CSMD1: variants seen among roughly 807,000 people sequenced by gnomAD.
The protein encoded by CSMD1 is CUB and sushi domain-containing protein 1.
In CSMD1, 213 loss-of-function variants were observed where a neutral mutation model predicts 417.5. The ratio of observed to expected loss-of-function variants is 0.51; its 90% CI spans 0.46 to 0.57. The LOEUF is 0.57. CSMD1 is among the 20% of genes least tolerant of loss of function. The pLI is 0.00. For missense variants in CSMD1, 6,923 were observed against 4,529.7 expected, an observed-to-expected ratio of 1.53 and a Z score of -15.17; for synonymous variants, 2,862 against 1,736.8, an observed-to-expected ratio of 1.65 and a Z score of -16.11.
chr8:4,178,843 T>C lies in CSMD1; in HGVS notation c.416-146744A>G, dbSNP rs957681705. Among the ~76,000 whole-genome samples, 10 of 152,138 alleles carry C rather than the reference T, an allele frequency of 6.6e-5. 1 individual carries two copies. The highest frequency in any genetic ancestry group is 5.2e-4 in the Admixed American group (8 of 15,264). ...CCATTCACAATTCCTTCAAAGAGAA[T>C]AAAATACTTAGAAATCCAACTTACA... is the stretch of plus-strand genomic sequence containing the variant. On this transcript the variant is annotated intron_variant, in intron 3 of 69. Coordinates refer to ENST00000635120, the MANE Select transcript of CSMD1 (RefSeq NM_033225.6).
intron 37 of CSMD1, among the ~76,000 whole-genome samples, chr8:3,174,567 A>G (rs1016191967): frequency 2.6e-5 from 4 of 152,238 alleles, no homozygotes; most frequent in South Asian, 2.1e-4. Context: ...AAAATTTTTA[A>G]AAGACTATAT....
At chr8:4,833,113 T>C (rs1383464063) in intron 1 of CSMD1, among the ~76,000 whole-genome samples, 1 of 152,188 alleles carries the variant, frequency 6.6e-6, no homozygotes, top group Non-Finnish European at 1.5e-5. Flanking sequence ...GAGTTTTCAT[T>C]TATTCGTCAT....
Position 3,795,142 on chromosome 8 carries a change from TCTATCATGTACAGCTATAGATAC to T in CSMD1, c.819-41123_819-41101del, listed in dbSNP as rs1163624423. ...TATCTATCATGTACAGCTATAGATA[TCTATCATGTACAGCTATAGATAC>T]CTATCATGTACAGCTATAGATACCT... On this transcript the variant is annotated intron_variant, in intron 5 of 69. Transcript: ENST00000635120. Among the ~76,000 whole-genome samples the T allele has an allele frequency of 5.0e-3, 337 of 67,508 alleles. 79 individuals are homozygous for T. The highest frequency in any genetic ancestry group is 6.8e-3 in the Non-Finnish European group (229 of 33,530). The allele number at this position is 67,508 out of a possible 152,430, so 44.3% of individuals were successfully genotyped here. A position where few individuals can be genotyped will look rare whatever the true frequency, so the allele number is the denominator to read the frequency against.
intron 5 of CSMD1, among the ~76,000 whole-genome samples, chr8:3,961,743 A>G (rs1401524359): frequency 6.6e-6 from 1 of 152,230 alleles, no homozygotes; most frequent in African/African-American, 2.4e-5. Flanking sequence ...TATGTAGTAA[A>G]GCCCGGTCTT....
At chr8:4,491,807 G>C (rs538297155) in intron 2 of CSMD1, among the ~76,000 whole-genome samples, 5 of 152,270 alleles carry the variant, frequency 3.3e-5, no homozygotes, top group Admixed American at 2.6e-4. Flanking sequence ...TGGCAGACAA[G>C]TGGCAGTTTC....
intron 2 of CSMD1, among the ~76,000 whole-genome samples, chr8:4,498,189 C>G (rs1029168375): frequency 6.6e-6 from 1 of 152,092 alleles, no homozygotes; most frequent in African/African-American, 2.4e-5. Context: ...TAATGCTAAC[C>G]CAATGCTTAG....
At chr8:3,089,378 A>G (rs1435359858) in intron 48 of CSMD1, among the ~76,000 whole-genome samples, 3 of 152,260 alleles carry the variant, frequency 2.0e-5, no homozygotes, top group African/African-American at 7.2e-5. Context: ...TTGTTAATTC[A>G]GCCTGCGCTT....
intron 8 of CSMD1, among the ~76,000 whole-genome samples, chr8:3,602,023 A>G (rs1320814579): frequency 1.3e-5 from 2 of 152,094 alleles, no homozygotes; most frequent in Non-Finnish European, 2.9e-5. Flanking sequence ...CTTTATGGGT[A>G]TGGAGTTTCA....
intron 1 of CSMD1, among the ~76,000 whole-genome samples, chr8:4,756,059 C>A (rs1811649166): frequency 1.3e-5 from 2 of 152,248 alleles, no homozygotes; most frequent in Non-Finnish European, 1.5e-5. Context: ...AATCTCCAAC[C>A]TTTTTAAAAC....
At position 4,500,301 on chromosome 8, in the gene CSMD1, T is replaced by C. The variant is rs562038651; in HGVS notation, c.303-80236A>G. 9.2e-5 allele frequency among the ~76,000 whole-genome samples: 14 copies of C among 152,320 alleles called. No homozygotes were observed. The South Asian group carries it at 1.9e-3, about 20-fold the overall frequency. On this transcript the variant is annotated intron_variant, in intron 2 of 69. Transcript: ENST00000635120. ...TGTCAATTATGCCAATTTTTGTGCATAGGTTACCAGGGATATTCTGTAACC... is the reference window on the plus strand; with the variant it reads ...TGTCAATTATGCCAATTTTTGTGCACAGGTTACCAGGGATATTCTGTAACC...
In CSMD1 at chr8:4,532,234, G is replaced by C. The variant is rs369700831; in HGVS notation, c.302+105108C>G. Among the ~76,000 whole-genome samples the C allele has an allele frequency of 1.4e-4, 20 of 144,776 alleles. No homozygotes were observed. The East Asian group carries it at 4.0e-3, about 29-fold the overall frequency. 95.0% of individuals were successfully genotyped at this position (144,776 alleles called of 152,430 possible). A position where few individuals can be genotyped will look rare whatever the true frequency, so the allele number is the denominator to read the frequency against. The stretch of plus-strand genomic sequence containing the variant: ...TGCACCCCCATTCACAGTCACTCCG[G>C]AAGAGAAATCCTGCACCCCCATTCA... On this transcript the variant is annotated intron_variant, in intron 2 of 69. Transcript: ENST00000635120.
At chr8:4,199,751 T>A (rs1023848188) in intron 3 of CSMD1, among the ~76,000 whole-genome samples, 2 of 152,148 alleles carry the variant, frequency 1.3e-5, no homozygotes, top group African/African-American at 4.8e-5. Flanking sequence ...CTTAAAATAT[T>A]TTCAAAAACT....
chr8:4,371,282 C>G (rs1193018688), intron 3 of CSMD1, among the ~76,000 whole-genome samples: 1 of 152,084 alleles, frequency 6.6e-6, no homozygotes, highest in African/African-American at 2.4e-5. Context: ...GAGGATGCGC[C>G]TCTGCTGGGC....
intron 1 of CSMD1, among the ~76,000 whole-genome samples, chr8:4,754,784 G>C (rs11781265): frequency 0.098 from 14,904 of 152,016 alleles, 866 homozygotes; most frequent in Non-Finnish European, 0.13. Context: ...AGGAAGCAGA[G>C]GTTGCAGTGA....
At chr8:3,056,083 CTTAT>C (rs1301562890) in intron 49 of CSMD1, among the ~76,000 whole-genome samples, 3 of 152,164 alleles carry the variant, frequency 2.0e-5, no homozygotes, top group Non-Finnish European at 2.9e-5. Context: ...AAAATTTTTA[CTTAT>C]TTATTTGCAA....
At chr8:3,315,168 A>G (rs1279856206) in intron 23 of CSMD1, among the ~76,000 whole-genome samples, 1 of 152,234 alleles carries the variant, frequency 6.6e-6, no homozygotes, top group East Asian at 1.9e-4. Flanking sequence ...TGTGAAAAAA[A>G]GGGACAGTGT....
At chr8:4,044,425 A>G (rs943000107) in intron 3 of CSMD1, among the ~76,000 whole-genome samples, 3 of 152,154 alleles carry the variant, frequency 2.0e-5, no homozygotes, top group Non-Finnish European at 2.9e-5. Context: ...TCCAAGCTCT[A>G]AAATTCTTTA....
At chr8:4,949,575 A>G (rs1808598167) in intron 1 of CSMD1, among the ~76,000 whole-genome samples, 1 of 152,164 alleles carries the variant, frequency 6.6e-6, no homozygotes, top group African/African-American at 2.4e-5. Context: ...GTATCCAGTG[A>G]TGCTGCCAAA....
intron 5 of CSMD1, among the ~76,000 whole-genome samples, chr8:3,898,777 C>T (rs188518211): frequency 1.3e-5 from 2 of 152,196 alleles, no homozygotes; most frequent in African/African-American, 4.8e-5. Flanking sequence ...TGAGGAAGAC[C>T]TTCTCTAAAA....
Sources: gnomAD v4.1 joint callset for allele counts (sites outside exome capture counted in the v4.1 genomes callset) on GRCh38, gnomAD v4.1.1 for gene constraint, MANE v1.5 for transcripts, NCBI Gene and HGNC (gene_info 2026-07-23, HGNC 2026-07-21) for gene names.